Variants in GPR107 observed in about 807,000 individuals in gnomAD.
GPR107 encodes protein GPR107.
Under a neutral mutation model 75.5 loss-of-function variants are expected in GPR107, and 31 were observed. That is an observed-to-expected ratio of 0.41 (90% CI 0.31 to 0.55). The LOEUF (loss-of-function observed/expected upper bound fraction) is 0.55, where lower values mean the gene tolerates loss of function less well. GPR107 is among the 20% of genes least tolerant of loss of function. The pLI is 0.26. For synonymous variants in GPR107, 267 were observed against 251.3 expected (o/e 1.06, Z -0.59); for missense variants, 572 against 665.7 (o/e 0.86, Z 1.55).
At chr9:130,088,367 C>A (rs1255278053) in intron 7 of GPR107, among the ~76,000 whole-genome samples, 1 of 152,230 alleles carries the variant, frequency 6.6e-6, no homozygotes, top group East Asian at 1.9e-4. Flanking sequence ...CTCAACAAAG[C>A]TTCTCTTGTT....
intron 1 of GPR107, among the ~76,000 whole-genome samples, chr9:130,061,518 C>T (rs764724076): frequency 6.6e-6 from 1 of 152,078 alleles, no homozygotes; most frequent in Non-Finnish European, 1.5e-5. Context: ...GGGAGAGGTA[C>T]ACATGAGCCT....
chr9:130,094,090 C>T (rs1055813772), intron 9 of GPR107, among the ~76,000 whole-genome samples: 1 of 152,028 alleles, frequency 6.6e-6, no homozygotes, highest in Non-Finnish European at 1.5e-5. Flanking sequence ...GCTGGGATTA[C>T]AGGCGTGAGC....
At chr9:130,119,432 G>C (rs924806421) in intron 14 of GPR107, among the ~76,000 whole-genome samples, 5 of 152,150 alleles carry the variant, frequency 3.3e-5, no homozygotes, top group Non-Finnish European at 5.9e-5. Context: ...TGCTCACTGC[G>C]AGCCAGCTGC....
chr9:130,098,392 A>T (rs2132604599), intron 9 of GPR107, among the ~76,000 whole-genome samples: 1 of 152,248 alleles, frequency 6.6e-6, no homozygotes, highest in South Asian at 2.1e-4. Context: ...CTTTCTCCTC[A>T]CACATCCCTA....
chr9:130,111,272 C>T (rs1161656159), intron 14 of GPR107, among the ~76,000 whole-genome samples: 1 of 152,004 alleles, frequency 6.6e-6, no homozygotes, highest in Admixed American at 6.6e-5. Context: ...TTTAGACCAG[C>T]CTGGGTGACA....
intron 10 of GPR107, 114 bp from the exon 11 acceptor site, chr9:130,100,515 G>A (rs1182926300): frequency 1.3e-6 from 1 of 790,966 alleles, no homozygotes; most frequent in East Asian, 2.5e-5. Flanking sequence ...TCCAGTGGCA[G>A]CGTCACCAAA....
chr9:130,072,538 C>A (rs934776177), intron 1 of GPR107, among the ~76,000 whole-genome samples: 6 of 151,840 alleles, frequency 4.0e-5, no homozygotes, highest in African/African-American at 1.2e-4. Flanking sequence ...AACTCTTGAC[C>A]TCAGGTGATC....
chr9:130,072,795 A>G (rs1830244528), intron 1 of GPR107, among the ~76,000 whole-genome samples: 1 of 152,160 alleles, frequency 6.6e-6, no homozygotes, highest in East Asian at 1.9e-4. Flanking sequence ...GAAAACCTGT[A>G]TTGTGGTGGC....
chr9:130,127,582 G>T lies in GPR107; in HGVS notation c.1440+16G>T. The T allele has an allele frequency of 7.1e-7, 1 of 1,407,810 alleles. No individual in the cohort carries two copies. The highest frequency in any genetic ancestry group is 1.0e-6 in the Non-Finnish European group (1 of 992,268). The allele number at this position is 1,407,810 out of a possible 1,614,324, so 87.2% of individuals were successfully genotyped here. ...GCTCTACCAGGTACGCTGCTCACAG[G>T]GCAGAATGCCAGAGAATTTATGCCT... On this transcript the variant is annotated intron_variant, in intron 16 of 17. Coordinates refer to ENST00000347136, the MANE Select transcript of GPR107 (RefSeq NM_020960.5).
At chr9:130,099,578 G>A (rs369625727) in intron 10 of GPR107, 46 bp downstream of exon 10, 4 of 1,046,532 alleles carry the variant, frequency 3.8e-6, no homozygotes, top group Non-Finnish European at 5.9e-6. Flanking sequence ...TACGTATAAT[G>A]CCTGTGTGAG....
At chr9:130,127,088 C>T (rs1014563489) in intron 15 of GPR107, among the ~76,000 whole-genome samples, 2 of 152,230 alleles carry the variant, frequency 1.3e-5, no homozygotes, top group African/African-American at 4.8e-5. Context: ...TCAGTAATTT[C>T]CCTGTGTGGC....
In GPR107 at chr9:130,137,742, C is replaced by G. The variant is rs1043635; in HGVS notation, c.*2621C>G. On this transcript the variant is annotated 3_prime_UTR_variant, in exon 18 of 18. Transcript: ENST00000347136. ...GTCCAAAGCCAAGTGGCTTCACCAG[C>G]TGACAAGCCACCCTCCTGCAGCCTG... 0.1 allele frequency: 15,565 copies of G among 152,326 alleles called. 985 individuals carry two copies. Among genetic ancestry groups the G allele is most frequent in the East Asian group, 0.32 (1,663 of 5,190 alleles). The allele number at this position is 152,326 out of a possible 1,614,324, so 9.4% of individuals were successfully genotyped here.
chr9:130,131,573 C>T (rs1210186089), intron 17 of GPR107, among the ~76,000 whole-genome samples: 6 of 152,110 alleles, frequency 3.9e-5, no homozygotes, highest in Non-Finnish European at 8.8e-5. Flanking sequence ...TCACTGCCCC[C>T]GGCCCCTCCT....
intron 13 of GPR107, among the ~76,000 whole-genome samples, chr9:130,104,753 T>A (rs1334794979): frequency 6.6e-6 from 1 of 152,244 alleles, no homozygotes; most frequent in African/African-American, 2.4e-5. Flanking sequence ...CTGGCAGAGC[T>A]AATCCGTCAC....
In GPR107 at chr9:130,101,792, T is replaced by C. The variant is rs142010395; in HGVS notation, c.1131+569T>C. Among the ~76,000 whole-genome samples, 5 of 152,202 alleles carry C rather than the reference T, an allele frequency of 3.3e-5. No individual in the cohort carries two copies. The East Asian group carries it at 9.7e-4, about 29-fold the overall frequency. ...AAAGAACTTACAATGAACAGAGAGG[T>C]TTTAGCAGGGATGCACAGCTACCCT... is the stretch of plus-strand genomic sequence containing the variant. On this transcript the variant is annotated intron_variant, in intron 12 of 17. Transcript: ENST00000347136.
At chr9:130,054,102 G>T in intron 1 of GPR107, 29 bp downstream of exon 1, 1 of 1,501,590 alleles carries the variant, frequency 6.7e-7, no homozygotes, top group Non-Finnish European at 8.9e-7. Flanking sequence ...GGGCCGGGGG[G>T]CGGAGGCCGA....
intron 10 of GPR107, 49 bp from the exon 11 acceptor site, chr9:130,100,580 G>T: frequency 7.9e-7 from 1 of 1,269,470 alleles, no homozygotes; most frequent in Non-Finnish European, 1.2e-6. Flanking sequence ...ATTCTTTGTG[G>T]AGCCATGTAG....
intron 14 of GPR107, among the ~76,000 whole-genome samples, chr9:130,110,670 C>T (rs565364635): frequency 6.6e-6 from 1 of 152,334 alleles, no homozygotes; most frequent in South Asian, 2.1e-4. Flanking sequence ...GCCGTGTTCC[C>T]AGCTGGAGCC....
intron 7 of GPR107, among the ~76,000 whole-genome samples, chr9:130,087,772 C>G (rs1046413684): frequency 1.5e-5 from 2 of 135,464 alleles, no homozygotes; most frequent in African/African-American, 5.7e-5. Flanking sequence ...TGCCACTGCA[C>G]TGCAGCCTGG....
Sources: allele counts gnomAD v4.1 joint callset (sites outside exome capture counted in the v4.1 genomes callset), GRCh38; gene constraint gnomAD v4.1.1; transcripts MANE v1.5; gene names NCBI Gene and HGNC (gene_info 2026-07-23, HGNC 2026-07-21).